The following AKAP9 variants were observed in gnomAD, a reference collection of about 807,000 sequenced individuals.
AKAP9 encodes the protein A-kinase anchor protein 9.
Under a neutral mutation model 488.5 loss-of-function variants are expected in AKAP9, and 311 were observed. That is an observed-to-expected ratio of 0.64 (90% CI 0.58 to 0.70). AKAP9 has a LOEUF of 0.70. AKAP9 is among the 30% of genes least tolerant of loss of function. The pLI is 0.00. For synonymous variants in AKAP9, 1,462 were observed against 1,483.5 expected, an observed-to-expected ratio of 0.99 and a Z score of 0.33; for missense variants, 4,215 against 4,374.5, an observed-to-expected ratio of 0.96 and a Z score of 1.03.
chr7:92,062,444 CAA>C lies in AKAP9; in HGVS notation c.5938_5939del (p.Lys1980GlyfsTer11), dbSNP rs757365188. On this transcript the variant is annotated frameshift_variant, in exon 24 of 50. Transcript: ENST00000356239. LOFTEE classifies it high-confidence loss of function. ...AGAAGAAAGAGAATTACTGTCCAGA[CAA>C]AAGGAAGCTATGAAAGCAGAGGCAG... ...IQEERELLSRQKEAMKAEAGP... is the reference protein window; with the variant it reads ...IQEERELLSRXKEAMKAEAGP... 1.2e-6 allele frequency: 2 copies of C among 1,613,678 alleles called. No individual in the cohort carries two copies. Among genetic ancestry groups the C allele is most frequent in the Non-Finnish European group, 1.7e-6 (2 of 1,179,794 alleles).
At chr7:91,993,667 C>A (rs1798052990) in intron 5 of AKAP9, among the ~76,000 whole-genome samples, 1 of 152,114 alleles carries the variant, frequency 6.6e-6, no homozygotes. Context: ...CATAAACAAC[C>A]CTGTTTAAAA....
Position 92,061,275 on chromosome 7 carries a change from G to A in AKAP9, c.5617G>A (p.Val1873Met). Residue 1873 changes from valine to methionine, a missense_variant, in exon 23 of 50, where the codon GTG becomes ATG. Coordinates refer to ENST00000356239, the MANE Select transcript of AKAP9 (RefSeq NM_005751.5). ...CTTTGTTTAGCTTGAACATGCGAAA[G>A]TGACACAGACAGAGTTGATGCGTGA... ...ETSSQLEHAK[V>M]TQTELMRESF... is the part of the protein sequence containing the mutation. 1 of 1,612,298 alleles carries A rather than the reference G, an allele frequency of 6.2e-7. No individual in the cohort carries two copies. The highest frequency in any genetic ancestry group is 8.5e-7 in the Non-Finnish European group (1 of 1,178,884).
intron 8 of AKAP9, among the ~76,000 whole-genome samples, chr7:92,008,630 G>C (rs780816872): frequency 3.3e-5 from 5 of 151,964 alleles, no homozygotes; most frequent in Non-Finnish European, 7.4e-5. Context: ...GGAGAATGCA[G>C]TGAGCCAAGA....
intron 3 of AKAP9, among the ~76,000 whole-genome samples, chr7:91,982,830 C>T (rs1299801427): frequency 6.6e-6 from 1 of 152,158 alleles, no homozygotes; most frequent in African/African-American, 2.4e-5. Context: ...TCCTATTTCT[C>T]CACATCCTCT....
intron 1 of AKAP9, among the ~76,000 whole-genome samples, chr7:91,949,359 T>C (rs1791912842): frequency 6.6e-6 from 1 of 152,210 alleles, no homozygotes; most frequent in Non-Finnish European, 1.5e-5. Flanking sequence ...AACAGCATGA[T>C]GCTGAAGCTT....
At chr7:92,097,818 TG>T (rs1205494197) in intron 42 of AKAP9, 24 bp downstream of exon 42, 3 of 1,610,430 alleles carry the variant, frequency 1.9e-6, no homozygotes, top group Non-Finnish European at 2.5e-6. Flanking sequence ...GCCTGATCTT[TG>T]GGAAAGTAGT....
intron 1 of AKAP9, among the ~76,000 whole-genome samples, chr7:91,942,459 A>G (rs1790889132): frequency 6.6e-6 from 1 of 152,228 alleles, no homozygotes; most frequent in Non-Finnish European, 1.5e-5. Context: ...GAATCAGGGT[A>G]TCTTTAGAAG....
chr7:92,094,023 G>A (rs1276076818), intron 39 of AKAP9, among the ~76,000 whole-genome samples: 1 of 151,432 alleles, frequency 6.6e-6, no homozygotes, highest in African/African-American at 2.4e-5. Context: ...GCTAATTTTT[G>A]TATTTTCAAT....
At chr7:91,999,279 G>T (rs2018628) in intron 7 of AKAP9, among the ~76,000 whole-genome samples, 60,654 of 151,882 alleles carry the variant, frequency 0.4, 12,401 homozygotes, top group African/African-American at 0.46. Flanking sequence ...AGGCTGGAGT[G>T]CAATGGTGAG....
chr7:92,066,623 T>C, intron 26 of AKAP9, 77 bp downstream of exon 26: 1 of 1,539,628 alleles, frequency 6.5e-7, no homozygotes. Context: ...CATTAAAAAC[T>C]TAAAAGTGGA....
At chr7:91,962,575 G>A (rs190454658) in intron 1 of AKAP9, among the ~76,000 whole-genome samples, 116 of 152,016 alleles carry the variant, frequency 7.6e-4, no homozygotes, top group African/African-American at 2.7e-3. Flanking sequence ...ATTATTTTAG[G>A]CTTTGTATAT....
Position 92,001,454 on chromosome 7 carries a change from A to G in AKAP9, c.1537A>G (p.Lys513Glu). 2 of 1,613,920 alleles carry G rather than the reference A, an allele frequency of 1.2e-6. No individual in the cohort carries two copies. The highest frequency in any genetic ancestry group is 1.3e-5 in the African/African-American group (1 of 75,052). ...QDTNSQKEKL[K>E]EELGLILEEK... Reference sequence around the variant, plus strand: ...TACTAACTCTCAAAAGGAAAAACTCAAGGAAGAACTAGGACTAATTTTAGA... The same window carrying G: ...TACTAACTCTCAAAAGGAAAAACTCGAGGAAGAACTAGGACTAATTTTAGA... The change falls in exon 8 of 50, where the codon AAG (lysine) becomes GAG (glutamate). Residue 513 changes from lysine (K) to glutamate (E), a missense_variant. Physicochemically the swap from Lys to Glu is moderately conservative, Grantham distance 56 (BLOSUM62 1). This residue lies in a region of AKAP9 where 2,361 missense variants were observed against 2,430.0 expected (regional missense o/e 0.97). Transcript: ENST00000356239.
At chr7:91,990,840 C>G (rs1797660755) in intron 3 of AKAP9, among the ~76,000 whole-genome samples, 1 of 152,138 alleles carries the variant, frequency 6.6e-6, no homozygotes. Flanking sequence ...TGTAGTCAAC[C>G]ATTATCTGAA....
At chr7:91,988,581 G>A (rs985368806) in intron 3 of AKAP9, among the ~76,000 whole-genome samples, 2 of 152,146 alleles carry the variant, frequency 1.3e-5, no homozygotes, top group Non-Finnish European at 2.9e-5. Flanking sequence ...TTGTATTTGA[G>A]TATTCTAAAA....
At chr7:92,074,415 G>T (rs1052952184) in intron 28 of AKAP9, among the ~76,000 whole-genome samples, 1 of 152,172 alleles carries the variant, frequency 6.6e-6, no homozygotes, top group Admixed American at 6.5e-5. Flanking sequence ...CTGTTGATGG[G>T]AGTGTAAATT....
intron 8 of AKAP9, among the ~76,000 whole-genome samples, chr7:92,006,159 T>C (rs1475359729): frequency 2.0e-5 from 3 of 151,978 alleles, no homozygotes; most frequent in Non-Finnish European, 2.9e-5. Flanking sequence ...TTTTTCTTTT[T>C]CTTTTTTTTT....
intron 16 of AKAP9, among the ~76,000 whole-genome samples, chr7:92,035,001 T>C (rs1343102542): frequency 2.6e-5 from 4 of 152,254 alleles, no homozygotes; most frequent in Non-Finnish European, 4.4e-5. Context: ...TTCTGCGTGC[T>C]TTGGACTTAA....
intron 3 of AKAP9, among the ~76,000 whole-genome samples, chr7:91,987,103 A>G (rs1343366713): frequency 6.6e-6 from 1 of 152,148 alleles, no homozygotes. Flanking sequence ...ACAGTGATTT[A>G]GAAGATTACA....
chr7:91,967,299 A>G (rs1397147871), intron 1 of AKAP9, among the ~76,000 whole-genome samples: 2 of 152,010 alleles, frequency 1.3e-5, no homozygotes, highest in African/African-American at 4.8e-5. Context: ...CAATTTGGTT[A>G]TCTTTTATTT....
Sources: allele counts gnomAD v4.1 joint callset (sites outside exome capture counted in the v4.1 genomes callset), GRCh38; gene constraint gnomAD v4.1.1; regional missense constraint gnomAD v4.1.1; transcripts MANE v1.5; gene names NCBI Gene and HGNC (gene_info 2026-07-23, HGNC 2026-07-21).